The following SLIT3 variants were observed in gnomAD, a reference collection of about 807,000 sequenced individuals.
SLIT3 encodes the protein slit guidance ligand 3, also known as slit homolog 3 protein.
Under a neutral mutation model 184.0 loss-of-function variants are expected in SLIT3, and 68 were observed. The ratio of observed to expected loss-of-function variants is 0.37; its 90% CI spans 0.30 to 0.45. SLIT3 has a LOEUF of 0.45. Among genes scored for constraint, SLIT3 ranks in the 20% least tolerant of loss-of-function variants. The pLI, the probability that SLIT3 is intolerant of heterozygous loss-of-function variation, is 1.00. For missense variants in SLIT3, 1,707 were observed against 2,026.0 expected, an observed-to-expected ratio of 0.84 and a Z score of 3.02; for synonymous variants, 831 against 828.6, an observed-to-expected ratio of 1.00 and a Z score of -0.05.
chr5:168,684,117 G>A (rs112053852), intron 31 of SLIT3, 21 bp from the exon 32 acceptor site: 56,916 of 1,560,550 alleles, frequency 0.036, 1,200 homozygotes, highest in Middle Eastern at 0.054. Context: ...CAGCCGGGGC[G>A]TGTTAGTAAG....
intron 4 of SLIT3, among the ~76,000 whole-genome samples, chr5:169,039,872 C>T (rs942405838): frequency 6.6e-6 from 1 of 152,210 alleles, no homozygotes; most frequent in African/African-American, 2.4e-5. Flanking sequence ...CTACCTAATG[C>T]AAGCGCCTCA....
At chr5:169,021,913 GAC>G (rs1756614372) in intron 4 of SLIT3, among the ~76,000 whole-genome samples, 1 of 151,514 alleles carries the variant, frequency 6.6e-6, no homozygotes, top group South Asian at 2.1e-4. Flanking sequence ...GGTCATACTA[GAC>G]ACGTGTGACT....
chr5:168,797,916 C>G (rs957788878), intron 9 of SLIT3, among the ~76,000 whole-genome samples: 1 of 152,070 alleles, frequency 6.6e-6, no homozygotes, highest in Non-Finnish European at 1.5e-5. Context: ...AATGGAGGAA[C>G]TGAAGGGGAC....
chr5:168,879,653 A>G (rs1314083470), intron 5 of SLIT3, among the ~76,000 whole-genome samples: 1 of 152,210 alleles, frequency 6.6e-6, no homozygotes, highest in East Asian at 1.9e-4. Flanking sequence ...CCAGAGACAT[A>G]GCGTGGCTTT....
chr5:169,020,842 C>A (rs1756570873), intron 4 of SLIT3, among the ~76,000 whole-genome samples: 1 of 152,160 alleles, frequency 6.6e-6, no homozygotes, highest in African/African-American at 2.4e-5. Context: ...TCTAAAATAC[C>A]CACATAATGA....
At chr5:168,982,754 G>A (rs1754993758) in intron 4 of SLIT3, among the ~76,000 whole-genome samples, 2 of 152,198 alleles carry the variant, frequency 1.3e-5, no homozygotes, top group South Asian at 4.1e-4. Context: ...TGACATTTGG[G>A]GTACAGCCTT....
At chr5:169,264,102 G>A (rs2113619119) in intron 1 of SLIT3, among the ~76,000 whole-genome samples, 1 of 151,768 alleles carries the variant, frequency 6.6e-6, no homozygotes, top group African/African-American at 2.4e-5. Context: ...GTTAACCTAA[G>A]ACTCTCCCCA....
chr5:169,140,308 C>CGA (rs1761676766), intron 4 of SLIT3, among the ~76,000 whole-genome samples: 2 of 42,048 alleles, frequency 4.8e-5, no homozygotes, highest in African/African-American at 1.9e-4. Flanking sequence ...ACTAAAAATG[C>CGA]AAAAAAAAAA....
At chr5:169,077,024 C>T (rs2113142922) in intron 4 of SLIT3, among the ~76,000 whole-genome samples, 1 of 152,154 alleles carries the variant, frequency 6.6e-6, no homozygotes, top group South Asian at 2.1e-4. Flanking sequence ...CAGGTTTGAA[C>T]TACCTGGGAT....
chr5:168,876,661 G>A (rs1273044928), intron 5 of SLIT3, among the ~76,000 whole-genome samples: 1 of 152,168 alleles, frequency 6.6e-6, no homozygotes, highest in Non-Finnish European at 1.5e-5. Context: ...AAGCCAGAAT[G>A]AGACCTGTCT....
intron 8 of SLIT3, among the ~76,000 whole-genome samples, chr5:168,812,331 C>A (rs567319082): frequency 8.5e-5 from 13 of 152,210 alleles, no homozygotes; most frequent in African/African-American, 3.1e-4. Flanking sequence ...TTGCATATTT[C>A]AAAATAACTA....
chr5:169,266,816 C>T (rs368516581), intron 1 of SLIT3, among the ~76,000 whole-genome samples: 1 of 152,164 alleles, frequency 6.6e-6, no homozygotes, highest in African/African-American at 2.4e-5. Flanking sequence ...CAGAGCATGA[C>T]TTTGTAAAAT....
intron 4 of SLIT3, among the ~76,000 whole-genome samples, chr5:169,057,041 T>C (rs1013883653): frequency 4.6e-5 from 7 of 152,358 alleles, no homozygotes; most frequent in Admixed American, 3.9e-4. Context: ...GGTGTCAATA[T>C]ATTTTCTGAT....
intron 20 of SLIT3, among the ~76,000 whole-genome samples, chr5:168,742,136 A>G (rs1763655754): frequency 8.3e-6 from 1 of 120,716 alleles, no homozygotes; most frequent in Non-Finnish European, 1.7e-5. Context: ...GGGGAATCAC[A>G]AGAAGCTACA....
intron 18 of SLIT3, chr5:168,752,718 C>T (rs1581039314): frequency 1.9e-6 from 1 of 522,974 alleles, no homozygotes; most frequent in East Asian, 3.3e-5. Flanking sequence ...TTTCAAATCA[C>T]TGTGGACATG....
At chr5:169,180,855 T>A (rs527791238) in intron 4 of SLIT3, among the ~76,000 whole-genome samples, 6 of 152,204 alleles carry the variant, frequency 3.9e-5, no homozygotes, top group Non-Finnish European at 8.8e-5. Flanking sequence ...ATAATGTTGT[T>A]TGATGGCTAC....
chr5:169,152,932 G>A (rs938459201), intron 4 of SLIT3, among the ~76,000 whole-genome samples: 3 of 152,122 alleles, frequency 2.0e-5, no homozygotes, highest in African/African-American at 7.2e-5. Context: ...GGTATAGCCT[G>A]GTTTCGCTGT....
intron 4 of SLIT3, among the ~76,000 whole-genome samples, chr5:168,975,234 C>T (rs1754708124): frequency 6.6e-6 from 1 of 152,172 alleles, no homozygotes; most frequent in Non-Finnish European, 1.5e-5. Context: ...ACTCACCTCA[C>T]CTGCCCAGGA....
At chr5:168,896,487 C>T (rs1423854433) in intron 4 of SLIT3, among the ~76,000 whole-genome samples, 3 of 152,134 alleles carry the variant, frequency 2.0e-5, no homozygotes, top group Non-Finnish European at 4.4e-5. Context: ...CAGAATATTA[C>T]AGAGGAACAC....
Sources: allele counts gnomAD v4.1 joint callset (sites outside exome capture counted in the v4.1 genomes callset), GRCh38; gene constraint gnomAD v4.1.1; transcripts MANE v1.5; gene names NCBI Gene and HGNC (gene_info 2026-07-23, HGNC 2026-07-21).